Variants in ODF2L observed in about 807,000 individuals in gnomAD.
ODF2L encodes outer dense fiber of sperm tails 2 like.
ODF2L carries 76 observed loss-of-function variants against 86.3 expected under a neutral mutation model. The ratio of observed to expected loss-of-function variants is 0.88; its 90% CI spans 0.73 to 1.07. The LOEUF is 1.07. Among genes scored for constraint, ODF2L ranks in the 50% least tolerant of loss-of-function variants. ODF2L has a pLI of 0.00. For missense variants in ODF2L, 748 were observed against 717.4 expected (o/e 1.04, Z -0.49); for synonymous variants, 241 against 231.3 (o/e 1.04, Z -0.38).
chr1:86,350,103 T>A (rs1422343251), exon 18 of ODF2L: 3 of 345,278 alleles, frequency 8.7e-6, no homozygotes, highest in Non-Finnish European at 1.2e-5. Context: ...ATCAGATCTT[T>A]ATTTTTTTTA....
intron 11 of ODF2L, among the ~76,000 whole-genome samples, chr1:86,366,462 A>C (rs1659441802): frequency 6.6e-6 from 1 of 151,486 alleles, no homozygotes; most frequent in Non-Finnish European, 1.5e-5. Context: ...ACACATTCAC[A>C]CACACAAATT....
chr1:86,376,732 C>A (rs1660202910), intron 7 of ODF2L, among the ~76,000 whole-genome samples: 1 of 152,120 alleles, frequency 6.6e-6, no homozygotes, highest in Non-Finnish European at 1.5e-5. Context: ...ACCATCAGGT[C>A]TCACGAGAAC....
In ODF2L at chr1:86,394,326, G is replaced by C. The variant is rs75774158; in HGVS notation, c.-60+1707C>G. ...AGCTACTCGAGAGGCTGAGGCAGGA[G>C]AATCACTTGAACCCGGGAGGCGGAC... On this transcript the variant is annotated intron_variant, in intron 1 of 17. Transcript: ENST00000317336. 0.011 allele frequency among the ~76,000 whole-genome samples: 1,681 copies of C among 150,272 alleles called. 68 individuals carry two copies. The East Asian group carries it at 0.12, about 11-fold the overall frequency.
chr1:86,350,079 A>C, downstream of ODF2L: 1 of 420,002 alleles, frequency 2.4e-6, no homozygotes, highest in Non-Finnish European at 3.2e-6. Context: ...AAAACTTATC[A>C]GGTTTAACAA....
intron 13 of ODF2L, chr1:86,357,699 A>G: frequency 1.0e-6 from 1 of 956,428 alleles, no homozygotes; most frequent in African/African-American, 1.8e-5. Flanking sequence ...CTTAGAGGCC[A>G]TGAGAAAACC....
intron 7 of ODF2L, chr1:86,381,821 A>T (rs1282649062): frequency 1.3e-5 from 2 of 152,310 alleles, no homozygotes; most frequent in African/African-American, 4.8e-5. Context: ...ACAAAAAATA[A>T]ACATCGTATT....
exon 18 of ODF2L, chr1:86,350,748 C>T (rs187833587): frequency 6.6e-6 from 1 of 152,310 alleles, no homozygotes; most frequent in East Asian, 1.9e-4. Flanking sequence ...TTCTCCACAT[C>T]CTCTCCAGCA....
rs140912216 is a variant in ODF2L at position 86,354,523 on chromosome 1, T to C, written c.1767+7A>G. 6.4e-7 allele frequency: 1 copy of C among 1,565,986 alleles called. No homozygotes were observed. Among genetic ancestry groups the C allele is most frequent in the South Asian group, 1.2e-5 (1 of 84,888 alleles). On this transcript the variant is annotated splice_region_variant and intron_variant, in intron 16 of 17. Coordinates refer to ENST00000317336, the Ensembl canonical transcript of ODF2L. ...TTAAAAAGTTTCTAAATAAAGGCCA[T>C]GCATACCTTTTGTCTTCCTTCTTCT...
chr1:86,348,666 C>A, downstream of ODF2L: 1 of 1,134,896 alleles, frequency 8.8e-7, no homozygotes, highest in African/African-American at 1.6e-5. Context: ...TAAAATGTAA[C>A]TGGTAGTATA....
At chr1:86,359,098 C>T (rs1432372407) in intron 12 of ODF2L, among the ~76,000 whole-genome samples, 1 of 152,140 alleles carries the variant, frequency 6.6e-6, no homozygotes, top group Non-Finnish European at 1.5e-5. Flanking sequence ...CCTGTCTTCT[C>T]TCATCAATAC....
chr1:86,389,259 T>C (rs1661150128), intron 1 of ODF2L, among the ~76,000 whole-genome samples: 1 of 152,160 alleles, frequency 6.6e-6, no homozygotes, highest in Non-Finnish European at 1.5e-5. Context: ...CTTGTCAGTG[T>C]TGGGTGCAAC....
chr1:86,367,317 TA>T (rs1659509618), intron 11 of ODF2L, among the ~76,000 whole-genome samples: 1 of 152,160 alleles, frequency 6.6e-6, no homozygotes, highest in East Asian at 1.9e-4. Context: ...TTCTCTGTCT[TA>T]AGGGAATATT....
rs187997915 is a variant in ODF2L, at chr1:86,382,369, G to A, written c.508-11C>T. The A allele has an allele frequency of 3.7e-6, 6 of 1,607,492 alleles. No homozygotes were observed. The South Asian group carries it at 4.5e-5, about 12-fold the overall frequency. ...TTTCAAAGTATTTGCCTGTAACAAA[G>A]AGAAAGAGAAAACCAAAAAAATCCA... On this transcript the variant is annotated splice_polypyrimidine_tract_variant and intron_variant, in intron 6 of 17. Transcript: ENST00000317336.
chr1:86,371,794 G>A (rs1659801495), intron 9 of ODF2L, among the ~76,000 whole-genome samples: 1 of 152,036 alleles, frequency 6.6e-6, no homozygotes, highest in African/African-American at 2.4e-5. Context: ...TTGTTTAAAA[G>A]AGAAACATCA....
chr1:86,352,971 A>C lies in ODF2L; in HGVS notation c.1781T>G (p.Ile594Arg). 2.0e-6 allele frequency: 3 copies of C among 1,518,320 alleles called. No homozygotes were observed. The South Asian group carries it at 3.5e-5, about 18-fold the overall frequency. The allele number at this position is 1,518,320 out of a possible 1,614,324, so 94.1% of individuals were successfully genotyped here. A position where few individuals can be genotyped will look rare whatever the true frequency, so the allele number is the denominator to read the frequency against. ...ACTCTCTCTAGATGACATTTTCTCT[A>C]TTTCTTCAGCAACCTGTAATTTTTA... Residue 594 changes from isoleucine to arginine, a missense_variant, in exon 17 of 18, where the codon ATA becomes AGA. Coordinates refer to ENST00000317336, the Ensembl canonical transcript of ODF2L.
intron 11 of ODF2L, among the ~76,000 whole-genome samples, chr1:86,364,246 T>C (rs543836318): frequency 1.3e-5 from 2 of 152,306 alleles, no homozygotes; most frequent in East Asian, 3.9e-4. Context: ...TCTTTCCAAA[T>C]AGAGCAATTT....
intron 11 of ODF2L, among the ~76,000 whole-genome samples, chr1:86,362,104 A>G (rs1237099970): frequency 2.0e-5 from 3 of 152,092 alleles, no homozygotes; most frequent in Non-Finnish European, 4.4e-5. Context: ...AAACAACAAG[A>G]AAGCCAGTGA....
chr1:86,369,278 T>G (rs936556238), intron 10 of ODF2L, among the ~76,000 whole-genome samples: 9 of 152,068 alleles, frequency 5.9e-5, no homozygotes, highest in African/African-American at 1.9e-4. Flanking sequence ...TAAAAAAAAA[T>G]GGTATTAAGG....
At chr1:86,387,797 T>C (rs1661053642) in intron 1 of ODF2L, among the ~76,000 whole-genome samples, 2 of 152,260 alleles carry the variant, frequency 1.3e-5, no homozygotes, top group East Asian at 3.9e-4. Flanking sequence ...TCTAACAATA[T>C]GTGGTAATGT....
Sources: allele counts gnomAD v4.1 joint callset (sites outside exome capture counted in the v4.1 genomes callset), GRCh38; gene constraint gnomAD v4.1.1; transcripts MANE v1.5; gene names NCBI Gene and HGNC (gene_info 2026-07-23, HGNC 2026-07-21).